PCDH17: variants seen among roughly 807,000 people sequenced by gnomAD.
PCDH17 encodes protocadherin 17.
A neutral mutation model predicts 67.7 loss-of-function variants in PCDH17; 21 were observed. The observed-to-expected ratio is 0.31, with a 90% CI of 0.22 to 0.45. The LOEUF (loss-of-function observed/expected upper bound fraction) is 0.45. Among genes scored for constraint, PCDH17 ranks in the 20% least tolerant of loss-of-function variants. The probability of loss-of-function intolerance (pLI) is 1.00; values close to 1 mark genes in which losing one functional copy is unlikely to be tolerated. For synonymous variants in PCDH17, 701 were observed against 656.7 expected, an observed-to-expected ratio of 1.07 and a Z score of -1.03; for missense variants, 1,471 against 1,564.8, an observed-to-expected ratio of 0.94 and a Z score of 1.01.
chr13:57,681,097 T>C (rs1361368486), intron 3 of PCDH17, among the ~76,000 whole-genome samples: 1 of 151,862 alleles, frequency 6.6e-6, no homozygotes, highest in African/African-American at 2.4e-5. Flanking sequence ...TTACCACCTT[T>C]AAGAGATGAA....
At chr13:57,636,359 T>A (rs1383209679) in intron 1 of PCDH17, among the ~76,000 whole-genome samples, 1 of 152,154 alleles carries the variant, frequency 6.6e-6, no homozygotes, top group Non-Finnish European at 1.5e-5. Flanking sequence ...GAAAAGCAAA[T>A]AACTTTTGAT....
At chr13:57,637,130 A>G (rs2137976926) in intron 1 of PCDH17, among the ~76,000 whole-genome samples, 1 of 152,248 alleles carries the variant, frequency 6.6e-6, no homozygotes, top group Admixed American at 6.5e-5. Flanking sequence ...ACACACACAC[A>G]GAATGTAAAG....
At chr13:57,711,341 C>A (rs1005601873) in intron 3 of PCDH17, among the ~76,000 whole-genome samples, 1 of 151,832 alleles carries the variant, frequency 6.6e-6, no homozygotes, top group Admixed American at 6.6e-5. Context: ...TGTGATTGAG[C>A]ACCAGGAAAA....
intron 3 of PCDH17, among the ~76,000 whole-genome samples, chr13:57,700,456 C>A (rs1955651538): frequency 6.6e-6 from 1 of 151,928 alleles, no homozygotes; most frequent in African/African-American, 2.4e-5. Context: ...CTAGCTGGGA[C>A]TACAGGCGCG....
chr13:57,700,712 T>C (rs1266511825), intron 3 of PCDH17, among the ~76,000 whole-genome samples: 2 of 152,146 alleles, frequency 1.3e-5, no homozygotes, highest in Non-Finnish European at 2.9e-5. Flanking sequence ...CATTTGTCTT[T>C]GGAAAAATAT....
At chr13:57,715,917 C>G (rs1434189612) in intron 3 of PCDH17, among the ~76,000 whole-genome samples, 1 of 151,878 alleles carries the variant, frequency 6.6e-6, no homozygotes, top group Non-Finnish European at 1.5e-5. Flanking sequence ...AAATATTTTT[C>G]TAATGAAGAA....
intron 1 of PCDH17, among the ~76,000 whole-genome samples, chr13:57,652,229 G>T (rs1593902234): frequency 7.1e-6 from 1 of 139,992 alleles, no homozygotes; most frequent in South Asian, 2.3e-4. Flanking sequence ...AGTGAGCCGA[G>T]ATTGCGCCAC....
chr13:57,632,458 G>A lies in PCDH17; in HGVS notation c.-89G>A. 7.3e-7 allele frequency: 1 copy of A among 1,360,722 alleles called. No individual in the cohort carries two copies. Among genetic ancestry groups the A allele is most frequent in the East Asian group, 2.5e-5 (1 of 40,110 alleles). 84.3% of individuals were successfully genotyped at this position (1,360,722 alleles called of 1,614,324 possible). On this transcript the variant is annotated 5_prime_UTR_variant, in exon 1 of 4. Transcript: ENST00000377918. ...TAGACTTGTGGCTCGCGTCGCGCGCGCACGCTGCGCCAGGGCCCCAGGCTG... is the reference window on the plus strand; with the variant it reads ...TAGACTTGTGGCTCGCGTCGCGCGCACACGCTGCGCCAGGGCCCCAGGCTG...
At chr13:57,686,157 A>G (rs1955505718) in intron 3 of PCDH17, among the ~76,000 whole-genome samples, 2 of 152,122 alleles carry the variant, frequency 1.3e-5, no homozygotes, top group Admixed American at 6.6e-5. Context: ...TTGTTCATCA[A>G]TTGTGACAAA....
intron 1 of PCDH17, among the ~76,000 whole-genome samples, chr13:57,637,345 T>C (rs1471009082): frequency 6.6e-6 from 1 of 152,088 alleles, no homozygotes; most frequent in Non-Finnish European, 1.5e-5. Context: ...GGATGCTTTG[T>C]AAGTTCTTAA....
At chr13:57,657,149 T>G (rs1955116021) in intron 1 of PCDH17, among the ~76,000 whole-genome samples, 1 of 152,154 alleles carries the variant, frequency 6.6e-6, no homozygotes, top group Non-Finnish European at 1.5e-5. Flanking sequence ...GAGTTAGCAT[T>G]TGCAAGAGAT....
intron 3 of PCDH17, among the ~76,000 whole-genome samples, chr13:57,689,922 G>T (rs1955542836): frequency 6.6e-6 from 1 of 151,740 alleles, no homozygotes; most frequent in South Asian, 2.1e-4. Flanking sequence ...TACTGTTAAA[G>T]ATATGTCTTA....
chr13:57,696,688 A>G (rs1010072630), intron 3 of PCDH17, among the ~76,000 whole-genome samples: 2 of 151,580 alleles, frequency 1.3e-5, no homozygotes. Flanking sequence ...CATAGGATAA[A>G]GAAAGTTAGG....
chr13:57,657,574 A>G (rs949456644), intron 1 of PCDH17, among the ~76,000 whole-genome samples: 4 of 152,208 alleles, frequency 2.6e-5, no homozygotes, highest in African/African-American at 9.6e-5. Context: ...TGTCGGTACG[A>G]AAAGGCTTAA....
chr13:57,725,404 C>T lies in PCDH17; in HGVS notation c.*110C>T. Reference sequence around the variant, plus strand: ...CAGGGATGAAGAAAGACCAATGCTGCTTTAAGGCTTTTAGTGAACATCTGA... The same window carrying T: ...CAGGGATGAAGAAAGACCAATGCTGTTTTAAGGCTTTTAGTGAACATCTGA... On this transcript the variant is annotated 3_prime_UTR_variant, in exon 4 of 4. Transcript: ENST00000377918. 1 of 914,372 alleles carries T rather than the reference C, an allele frequency of 1.1e-6. No individual in the cohort carries two copies. Among genetic ancestry groups the T allele is most frequent in the Non-Finnish European group, 1.6e-6 (1 of 612,592 alleles). The allele number at this position is 914,372 out of a possible 1,614,324, so 56.6% of individuals were successfully genotyped here.
chr13:57,652,000 C>T (rs1032576389), intron 1 of PCDH17, among the ~76,000 whole-genome samples: 8 of 152,020 alleles, frequency 5.3e-5, no homozygotes, highest in Non-Finnish European at 1.0e-4. Flanking sequence ...ACTTACGGGC[C>T]GGGCGCGGTG....
intron 1 of PCDH17, among the ~76,000 whole-genome samples, chr13:57,665,448 G>A (rs1264391328): frequency 1.3e-5 from 2 of 152,166 alleles, no homozygotes; most frequent in South Asian, 4.2e-4. Context: ...ACTACATTAA[G>A]TCTTACCTTG....
chr13:57,641,570 AAAAAAAAAAAAAAAAAAATATATAT>A lies in PCDH17; in HGVS notation c.2565+6461_2565+6485del, dbSNP rs1181360849. The stretch of plus-strand genomic sequence containing the variant: ...ACAGTGTTTGAGAGAAAAAAAAAAA[AAAAAAAAAAAAAAAAAAATATATAT>A]ATATATATATATATATATATATATA... On this transcript the variant is annotated intron_variant, in intron 1 of 3. Transcript: ENST00000377918. 3.6e-4 allele frequency among the ~76,000 whole-genome samples: 9 copies of A among 25,198 alleles called. No homozygotes were observed. In the East Asian group the frequency reaches 0.011, roughly 31 times the overall value. The allele number at this position is 25,198 out of a possible 152,430, so 16.5% of individuals were successfully genotyped here.
intron 3 of PCDH17, among the ~76,000 whole-genome samples, chr13:57,720,588 T>C (rs973388708): frequency 6.6e-6 from 1 of 152,090 alleles, no homozygotes; most frequent in Non-Finnish European, 1.5e-5. Context: ...GATTCACCTG[T>C]ATTTCTCTTA....
Sources: gnomAD v4.1 joint callset for allele counts (sites outside exome capture counted in the v4.1 genomes callset) on GRCh38, gnomAD v4.1.1 for gene constraint, MANE v1.5 for transcripts, NCBI Gene and HGNC (gene_info 2026-07-23, HGNC 2026-07-21) for gene names.